Variants in SHOX observed in about 807,000 individuals in gnomAD.
The protein encoded by SHOX is short stature homeobox protein.
A neutral mutation model predicts 29.6 loss-of-function variants in SHOX; 12 were observed. The ratio of observed to expected loss-of-function variants is 0.41; its 90% confidence interval spans 0.26 to 0.66. The LOEUF is 0.66. Among genes scored for constraint, SHOX ranks in the 30% least tolerant of loss-of-function variants. The pLI is 0.35. For missense variants in SHOX, 499 were observed against 437.7 expected, an observed-to-expected ratio of 1.14 and a Z score of -1.25; for synonymous variants, 214 against 200.6, an observed-to-expected ratio of 1.07 and a Z score of -0.57.
At chrX:655,829 C>T (rs2053139277), downstream of SHOX, among the ~76,000 whole-genome samples, 1 of 151,920 alleles carries the variant, frequency 6.6e-6, no homozygotes, top group Admixed American at 6.6e-5. Flanking sequence ...TAAAACTGCA[C>T]TTCCAAAAGA....
intron 2 of SHOX, among the ~76,000 whole-genome samples, chrX:635,443 T>G (rs2052728305): frequency 6.6e-6 from 1 of 152,100 alleles, no homozygotes; most frequent in Admixed American, 6.5e-5. Flanking sequence ...CTTTCCTCCG[T>G]TTTTTCACCT....
chrX:627,227 A>G (rs1454358491), upstream of SHOX, among the ~76,000 whole-genome samples: 4 of 151,974 alleles, frequency 2.6e-5, no homozygotes, highest in Non-Finnish European at 5.9e-5. Context: ...CAGTCCACCC[A>G]CTCTGCAGAC....
intron 2 of SHOX, among the ~76,000 whole-genome samples, chrX:635,564 G>A (rs28628562): frequency 0.38 from 58,262 of 151,982 alleles, 11,600 homozygotes; most frequent in East Asian, 0.55. Context: ...CTGGATGAGC[G>A]GAGACTATTA....
rs2052936863 is a variant in SHOX at position 644,871 on chromosome X, C to A, written c.*235C>A. ...GCGGAGCGGGTGAGCGGCCGTGCGT[C>A]CAGCCCGGGCCTCTCCAAGGCTGCC... On this transcript the variant is annotated 3_prime_UTR_variant, in exon 5 of 5. Coordinates refer to ENST00000686671, the MANE Select transcript of SHOX (RefSeq NM_000451.4). 1.9e-6 allele frequency: 1 copy of A among 523,358 alleles called. No homozygotes were observed. The highest frequency in any genetic ancestry group is 3.7e-5 in the East Asian group (1 of 27,030). 32.4% of individuals were successfully genotyped at this position (523,358 alleles called of 1,614,324 possible).
intron 2 of SHOX, among the ~76,000 whole-genome samples, chrX:638,532 G>A (rs1301484934): frequency 6.6e-6 from 1 of 152,156 alleles, no homozygotes; most frequent in Non-Finnish European, 1.5e-5. Flanking sequence ...CCTTTTTGGC[G>A]GGGGTGTGAG....
Position 631,028 on chromosome X carries a change from C to G in SHOX, c.131C>G (p.Ala44Gly). ...TYREVLESGLARSRELGTSDS... is the reference protein window; with the variant it reads ...TYREVLESGLGRSRELGTSDS... ...CGGGAAGTTTTGGAGAGCGGACTGG[C>G]GCGCTCCCGGGAGCTGGGGACGTCG... is the stretch of plus-strand genomic sequence containing the variant. Residue 44 changes from alanine (A) to glycine (G), a missense_variant, in exon 1 of 5, where the codon GCG becomes GGG. By Grantham distance (60) the Ala-to-Gly change is moderately conservative. Coordinates refer to ENST00000686671, the MANE Select transcript of SHOX (RefSeq NM_000451.4). 6.2e-7 allele frequency: 1 copy of G among 1,613,766 alleles called. No individual in the cohort carries two copies.
chrX:634,577 C>G, intron 1 of SHOX, 41 bp from the exon 2 acceptor site: 1 of 1,606,436 alleles, frequency 6.2e-7, no homozygotes, highest in Non-Finnish European at 8.5e-7. Flanking sequence ...TTGCGCAAAA[C>G]CTCCCCGGCC....
chrX:649,410 T>G lies in SHOX; in HGVS notation c.*4774T>G, dbSNP rs1461050422. On this transcript the variant is annotated 3_prime_UTR_variant, in exon 5 of 5. Transcript: ENST00000686671. ...ACCCTCTGTATGTGATGTGCGTGGG[T>G]TTGGTTTCCCGGAAGGCCCTCCAGA... Among the ~76,000 whole-genome samples, 2 of 152,004 alleles carry G rather than the reference T, an allele frequency of 1.3e-5. No homozygotes were observed. Among genetic ancestry groups the G allele is most frequent in the Non-Finnish European group, 2.9e-5 (2 of 67,998 alleles).
chrX:643,897 C>A (rs1446014121), intron 4 of SHOX, among the ~76,000 whole-genome samples: 1 of 141,658 alleles, frequency 7.1e-6, no homozygotes, highest in Non-Finnish European at 1.5e-5. Context: ...CCCGGGAGAG[C>A]CTTGGGGACC....
intron 2 of SHOX, among the ~76,000 whole-genome samples, chrX:635,492 C>G (rs1351242906): frequency 6.6e-6 from 1 of 152,150 alleles, no homozygotes; most frequent in East Asian, 1.9e-4. Flanking sequence ...CAGCCCTGTC[C>G]TCTGCTACAA....
chrX:627,237 C>G (rs1056754395), upstream of SHOX, among the ~76,000 whole-genome samples: 6 of 152,210 alleles, frequency 3.9e-5, no homozygotes, highest in African/African-American at 1.2e-4. Context: ...ACTCTGCAGA[C>G]TGGAGCTGCG....
chrX:643,741 C>T (rs1603288213), intron 4 of SHOX, among the ~76,000 whole-genome samples: 1 of 132,464 alleles, frequency 7.5e-6, no homozygotes, highest in African/African-American at 3.2e-5. Flanking sequence ...GGCTTGGGGA[C>T]CTGGTGACCC....
upstream of SHOX, among the ~76,000 whole-genome samples, chrX:628,367 CTGTT>C (rs1332887735): frequency 8.8e-5 from 13 of 147,008 alleles, no homozygotes; most frequent in South Asian, 1.3e-3. Flanking sequence ...CTCTCCCTGT[CTGTT>C]TCTCTCTCTC....
chrX:644,490 C>T lies in SHOX; in HGVS notation c.733C>T (p.Pro245Ser). 6.6e-7 allele frequency: 1 copy of T among 1,523,630 alleles called. No homozygotes were observed. The highest frequency in any genetic ancestry group is 8.8e-7 in the Non-Finnish European group (1 of 1,142,562). 94.4% of individuals were successfully genotyped at this position (1,523,630 alleles called of 1,614,324 possible). The change falls in exon 5 of 5, where the codon CCC becomes TCC. Residue 245 changes from proline (P) to serine (S), a missense_variant. By Grantham distance (74) the Pro-to-Ser change is moderately conservative. Transcript: ENST00000686671. ...HAPYLMFPPP[P>S]FGLPIASLAE... ...GCCCTACCTGATGTTCCCCCCGCCG[C>T]CCTTCGGGCTGCCCATCGCGTCGCT... is the stretch of plus-strand genomic sequence containing the variant.
chrX:647,013 T>C lies in SHOX; in HGVS notation c.*2377T>C, dbSNP rs149765565. Reference sequence around the variant, plus strand: ...ATCGAAACATAACAGTGTGTCATCATTTCCTCCCAAGAAAAAGCTCACTCC... The same window carrying C: ...ATCGAAACATAACAGTGTGTCATCACTTCCTCCCAAGAAAAAGCTCACTCC... On this transcript the variant is annotated 3_prime_UTR_variant, in exon 5 of 5. Transcript: ENST00000686671. Among the ~76,000 whole-genome samples, 693 of 152,264 alleles carry C rather than the reference T, an allele frequency of 4.6e-3. 6 individuals carry two copies. The highest frequency in any genetic ancestry group is 0.016 in the African/African-American group (654 of 41,568).
At chrX:630,611 C>T (rs934915132), upstream of SHOX, 19 of 570,758 alleles carry the variant, frequency 3.3e-5, 1 homozygote, top group Non-Finnish European at 6.0e-5. Flanking sequence ...GGTGTACGGA[C>T]GCCAAACAGT....
chrX:658,471 CTTTTTT>C (rs777890718), intron 5 of SHOX, among the ~76,000 whole-genome samples: 1 of 134,432 alleles, frequency 7.4e-6, no homozygotes, highest in African/African-American at 2.9e-5. Context: ...AAAAAGAACT[CTTTTTT>C]TTTTTTTTTT....
chrX:629,487 C>T (rs186746683), upstream of SHOX, among the ~76,000 whole-genome samples: 609 of 151,670 alleles, frequency 4.0e-3, 2 homozygotes, highest in African/African-American at 0.014. Context: ...CCTTGTCTCT[C>T]TCTTTCTCTC....
downstream of SHOX, among the ~76,000 whole-genome samples, chrX:652,359 C>G (rs865935989): frequency 4.7e-5 from 2 of 42,270 alleles, no homozygotes; most frequent in Admixed American, 4.7e-4. Context: ...TTTTTTTTTG[C>G]ATAGATTTTT....
Sources: gnomAD v4.1 joint callset for allele counts (sites outside exome capture counted in the v4.1 genomes callset) on GRCh38, gnomAD v4.1.1 for gene constraint, MANE v1.5 for transcripts, NCBI Gene and HGNC (gene_info 2026-07-23, HGNC 2026-07-21) for gene names.